The following NEDD4L variants were observed in gnomAD, a reference collection of about 807,000 sequenced individuals.
NEDD4L encodes NEDD4 like E3 ubiquitin protein ligase, also known as E3 ubiquitin-protein ligase NEDD4-like.
Under a neutral mutation model 148.9 loss-of-function variants are expected in NEDD4L, and 54 were observed. That is an observed-to-expected ratio of 0.36 (90% CI 0.29 to 0.45). The LOEUF is 0.45. Ranked by LOEUF, NEDD4L falls within the 20% of genes least tolerant of loss-of-function variation. NEDD4L has a pLI of 1.00. For missense variants in NEDD4L, 856 were observed against 1,233.8 expected (o/e 0.69, Z 4.59); for synonymous variants, 433 against 440.7 (o/e 0.98, Z 0.22).
At chr18:58,266,831 G>A (rs554769381) in intron 5 of NEDD4L, among the ~76,000 whole-genome samples, 5 of 152,208 alleles carry the variant, frequency 3.3e-5, no homozygotes, top group Admixed American at 3.3e-4. Context: ...CTTGTGTTTT[G>A]AAGTGTTGGA....
Position 58,248,924 on chromosome 18 carries a change from A to G in NEDD4L, c.230A>G (p.Glu77Gly). Residue 77 changes from glutamate to glycine, a missense_variant, in exon 4 of 31, where the codon GAA becomes GGA. Physicochemically the swap from Glu to Gly is moderately conservative, Grantham distance 98. Transcript: ENST00000400345. Reference protein sequence around the residue: ...KKTLNPKWNEEFYFRVNPSNH... With the variant: ...KKTLNPKWNEGFYFRVNPSNH... The stretch of plus-strand genomic sequence containing the variant: ...ACACTGAACCCAAAATGGAATGAAG[A>G]ATTTTATTTCAGGGTAAGTTTTTCA... The G allele has an allele frequency of 6.7e-7, 1 of 1,494,236 alleles. No individual in the cohort carries two copies. 92.6% of individuals were successfully genotyped at this position (1,494,236 alleles called of 1,614,324 possible). A position where few individuals can be genotyped will look rare whatever the true frequency, so the allele number is the denominator to read the frequency against.
At chr18:58,143,306 A>T (rs537693685) in intron 1 of NEDD4L, among the ~76,000 whole-genome samples, 66 of 152,298 alleles carry the variant, frequency 4.3e-4, no homozygotes, top group Admixed American at 9.8e-4. Context: ...TCACAGCATG[A>T]CATTGGAATC....
chr18:58,382,266 G>C (rs1374394623), intron 24 of NEDD4L, among the ~76,000 whole-genome samples: 1 of 152,196 alleles, frequency 6.6e-6, no homozygotes, highest in African/African-American at 2.4e-5. Flanking sequence ...GCAGGACCAA[G>C]GAACCCCTGG....
chr18:58,356,597 C>G (rs547635734), intron 18 of NEDD4L, among the ~76,000 whole-genome samples: 37 of 152,286 alleles, frequency 2.4e-4, no homozygotes, highest in Middle Eastern at 3.4e-3. Context: ...CCAGTGTGAC[C>G]AAACAGAAAC....
In NEDD4L at chr18:58,323,287, A is replaced by T; in HGVS notation, c.466A>T (p.Asn156Tyr). The T allele has an allele frequency of 6.2e-7, 1 of 1,603,244 alleles. No homozygotes were observed. The highest frequency in any genetic ancestry group is 8.5e-7 in the Non-Finnish European group (1 of 1,174,532). Residue 156 changes from asparagine to tyrosine, a missense_variant, in exon 8 of 31, where the codon AAT becomes TAT. By Grantham distance (143) the Asn-to-Tyr change is moderately radical. Coordinates refer to ENST00000400345, the MANE Select transcript of NEDD4L (RefSeq NM_001144967.3). The stretch of plus-strand genomic sequence containing the variant: ...ATTGAAAATGGCCTATATGCCAAAA[A>T]ATGGAGGTCAAGATGAAGAAAACAG... The part of the protein sequence containing the change: ...LRLKMAYMPK[N>Y]GGQDEENSDQ...
At chr18:58,104,461 A>G (rs1470352854) in intron 1 of NEDD4L, among the ~76,000 whole-genome samples, 2 of 152,184 alleles carry the variant, frequency 1.3e-5, no homozygotes, top group African/African-American at 2.4e-5. Context: ...AAATGCGCTT[A>G]ATTGTTTACT....
At chr18:58,072,868 GCGCGCACACA>G (rs1469994556) in intron 1 of NEDD4L, among the ~76,000 whole-genome samples, 21 of 115,806 alleles carry the variant, frequency 1.8e-4, no homozygotes, top group African/African-American at 9.3e-4. Context: ...GCGCGCGCGC[GCGCGCACACA>G]CACACACACA....
intron 1 of NEDD4L, among the ~76,000 whole-genome samples, chr18:58,120,592 A>T (rs1459616349): frequency 6.6e-6 from 1 of 152,146 alleles, no homozygotes; most frequent in African/African-American, 2.4e-5. Context: ...ATCCTGGCTA[A>T]CACAGTGAAA....
intron 1 of NEDD4L, among the ~76,000 whole-genome samples, chr18:58,047,989 A>T (rs560042297): frequency 4.5e-4 from 69 of 152,352 alleles, no homozygotes; most frequent in African/African-American, 1.6e-3. Flanking sequence ...GACATTAAGT[A>T]ATTTCGTTAG....
intron 1 of NEDD4L, among the ~76,000 whole-genome samples, chr18:58,123,835 C>G (rs1000594704): frequency 6.6e-6 from 1 of 152,170 alleles, no homozygotes; most frequent in African/African-American, 2.4e-5. Context: ...GAGGCTTCCC[C>G]AGCTCCTGTC....
chr18:58,136,963 G>A lies in NEDD4L; in HGVS notation c.49-28825G>A, dbSNP rs969422958. ...AGGAATAGATACATTTTTTAAAAAAGCATTTAAAGAATTTCTCCTGTAGAC... is the reference window on the plus strand; with the variant it reads ...AGGAATAGATACATTTTTTAAAAAAACATTTAAAGAATTTCTCCTGTAGAC... On this transcript the variant is annotated intron_variant, in intron 1 of 30. Coordinates refer to ENST00000400345, the MANE Select transcript of NEDD4L (RefSeq NM_001144967.3). Among the ~76,000 whole-genome samples the A allele has an allele frequency of 1.3e-5, 2 of 152,164 alleles. 1 individual carries two copies. Among genetic ancestry groups the A allele is most frequent in the Admixed American group, 1.3e-4 (2 of 15,270 alleles).
Position 58,256,065 on chromosome 18 carries a change from C to T in NEDD4L, c.297+4011C>T, listed in dbSNP as rs2048497350. The T allele has an allele frequency of 9.0e-6, 11 of 1,228,918 alleles. No homozygotes were observed. The East Asian group carries it at 3.5e-4, about 39-fold the overall frequency. 76.1% of individuals were successfully genotyped at this position (1,228,918 alleles called of 1,614,324 possible). On this transcript the variant is annotated intron_variant, in intron 5 of 30. Transcript: ENST00000400345. The surrounding 1 kb of genome is among the most constrained non-coding windows in gnomAD (Gnocchi z 5.2). Reference sequence around the variant, plus strand: ...ACGAGGGCCTCGCCCCAGAGTGGCTCCCGGGAGCCCTCGCCGAGGGACACC... The same window carrying T: ...ACGAGGGCCTCGCCCCAGAGTGGCTTCCGGGAGCCCTCGCCGAGGGACACC...
At chr18:58,044,805 C>T (rs1370941531) in intron 1 of NEDD4L, 97 bp downstream of exon 1, 1 of 1,463,058 alleles carries the variant, frequency 6.8e-7, no homozygotes, top group Non-Finnish European at 9.2e-7. Flanking sequence ...GGTGCTCGTG[C>T]CCAGCGTCTG....
chr18:58,175,579 CACA>C (rs2146842053), intron 2 of NEDD4L, among the ~76,000 whole-genome samples: 1 of 152,366 alleles, frequency 6.6e-6, no homozygotes, highest in East Asian at 1.9e-4. Flanking sequence ...TGCTGAGAAT[CACA>C]ACATCAACAC....
intron 2 of NEDD4L, among the ~76,000 whole-genome samples, chr18:58,203,388 A>G (rs2041634802): frequency 6.6e-6 from 1 of 152,258 alleles, no homozygotes; most frequent in Admixed American, 6.5e-5. Context: ...CATAATAAAA[A>G]TAAAATAAAA....
intron 11 of NEDD4L, among the ~76,000 whole-genome samples, chr18:58,331,378 G>A (rs2059774757): frequency 6.6e-6 from 1 of 152,180 alleles, no homozygotes; most frequent in Non-Finnish European, 1.5e-5. Flanking sequence ...AGGGCACAAT[G>A]CTTAAGTGGC....
At chr18:58,343,127 C>G (rs559455376) in intron 16 of NEDD4L, 24 bp downstream of exon 16, 2 of 1,546,224 alleles carry the variant, frequency 1.3e-6, no homozygotes, top group South Asian at 2.5e-5. Flanking sequence ...TTTTATTTGG[C>G]TCCATTTTCA....
At chr18:58,352,255 A>G (rs368504174) in intron 18 of NEDD4L, among the ~76,000 whole-genome samples, 3 of 152,308 alleles carry the variant, frequency 2.0e-5, no homozygotes, top group African/African-American at 7.2e-5. Flanking sequence ...GCTTTCATGT[A>G]TGTGTATGCC....
At chr18:58,109,062 A>G (rs1277576183) in intron 1 of NEDD4L, among the ~76,000 whole-genome samples, 4 of 152,250 alleles carry the variant, frequency 2.6e-5, no homozygotes, top group Non-Finnish European at 5.9e-5. Context: ...TTTTTATTTA[A>G]TAGAAAACAA....
Sources: allele counts gnomAD v4.1 joint callset (sites outside exome capture counted in the v4.1 genomes callset), GRCh38; gene constraint gnomAD v4.1.1; non-coding constraint Gnocchi (gnomAD v3.1); transcripts MANE v1.5; gene names NCBI Gene and HGNC (gene_info 2026-07-23, HGNC 2026-07-21).